The following MYO1E variants were observed in gnomAD, a reference collection of about 807,000 sequenced individuals.
MYO1E encodes the protein unconventional myosin-Ie.
A neutral mutation model predicts 151.1 loss-of-function variants in MYO1E; 68 were observed. That is an observed-to-expected ratio of 0.45 (90% CI 0.37 to 0.55). The LOEUF (loss-of-function observed/expected upper bound fraction) is 0.55. Among genes scored for constraint, MYO1E ranks in the 20% least tolerant of loss-of-function variants. The pLI is 0.00. For missense variants in MYO1E, 1,363 were observed against 1,389.3 expected (o/e 0.98, Z 0.30); for synonymous variants, 601 against 501.7 (o/e 1.20, Z -2.64).
intron 4 of MYO1E, 89 bp from the exon 5 acceptor site, chr15:59,236,761 C>G: frequency 1.6e-6 from 2 of 1,253,174 alleles, no homozygotes; most frequent in Non-Finnish European, 2.3e-6. Flanking sequence ...AACAAACAAA[C>G]AAACAAAAAA....
intron 20 of MYO1E, 59 bp from the exon 21 acceptor site, chr15:59,173,974 A>G: frequency 6.3e-7 from 1 of 1,577,438 alleles, no homozygotes; most frequent in South Asian, 1.1e-5. Flanking sequence ...AAAGGGAGGA[A>G]AATACTGTGG....
At chr15:59,218,178 T>G in intron 9 of MYO1E, 91 bp from the exon 10 acceptor site, 3 of 1,444,574 alleles carry the variant, frequency 2.1e-6, no homozygotes, top group Non-Finnish European at 2.9e-6. Context: ...TATGTGCACA[T>G]GCACGTGTGT....
At chr15:59,247,166 A>T (rs2080135397) in intron 4 of MYO1E, among the ~76,000 whole-genome samples, 1 of 152,218 alleles carries the variant, frequency 6.6e-6, no homozygotes, top group Non-Finnish European at 1.5e-5. Context: ...ACTGCACTCC[A>T]GCCTAGGTGA....
intron 26 of MYO1E, among the ~76,000 whole-genome samples, chr15:59,142,920 C>CA (rs10717979): frequency 0.025 from 2,175 of 86,850 alleles, 43 homozygotes; most frequent in East Asian, 0.044. Flanking sequence ...TAATTAGGTG[C>CA]AAAAAAAAAA....
At chr15:59,278,361 T>C (rs984864374) in intron 1 of MYO1E, among the ~76,000 whole-genome samples, 30 of 152,224 alleles carry the variant, frequency 2.0e-4, no homozygotes, top group African/African-American at 7.0e-4. Context: ...AAACTGAGCT[T>C]GTTTTGTAAT....
At chr15:59,161,801 C>T (rs1339234671) in intron 23 of MYO1E, among the ~76,000 whole-genome samples, 2 of 152,216 alleles carry the variant, frequency 1.3e-5, no homozygotes, top group African/African-American at 4.8e-5. Context: ...AACTCCCCAT[C>T]CAGTTTTAAT....
chr15:59,372,248 A>C (rs2140448608), intron 1 of MYO1E, among the ~76,000 whole-genome samples: 1 of 152,220 alleles, frequency 6.6e-6, no homozygotes, highest in East Asian at 1.9e-4. Context: ...CAGCCATAGC[A>C]ACCCGGCCAC....
At chr15:59,237,675 G>C (rs1302722691) in intron 4 of MYO1E, among the ~76,000 whole-genome samples, 1 of 152,258 alleles carries the variant, frequency 6.6e-6, no homozygotes, top group Non-Finnish European at 1.5e-5. Flanking sequence ...TTAGGGCGCA[G>C]AGCAAATGTT....
intron 1 of MYO1E, among the ~76,000 whole-genome samples, chr15:59,324,673 C>CCCG (rs1491466100): frequency 1.4e-4 from 20 of 147,144 alleles, no homozygotes; most frequent in African/African-American, 4.3e-4. Flanking sequence ...GCCCCCCCCC[C>CCCG]ACAGAGGGCA....
rs191645834 is a variant in MYO1E, at chr15:59,290,937, G to A, written c.4-18488C>T. On this transcript the variant is annotated intron_variant, in intron 1 of 27. Transcript: ENST00000288235. ...GTAAAAATCATTTTATGCAAGGAATGGAGACCAACTGATACCCACTCTCCG... is the reference window on the plus strand; with the variant it reads ...GTAAAAATCATTTTATGCAAGGAATAGAGACCAACTGATACCCACTCTCCG... 2.0e-5 allele frequency among the ~76,000 whole-genome samples: 3 copies of A among 152,294 alleles called. No homozygotes were observed. The East Asian group carries it at 5.8e-4, about 29-fold the overall frequency.
intron 12 of MYO1E, among the ~76,000 whole-genome samples, chr15:59,211,319 G>C (rs1030516656): frequency 1.3e-5 from 2 of 152,092 alleles, no homozygotes; most frequent in African/African-American, 4.8e-5. Flanking sequence ...ACACCATCCT[G>C]GTTTTTTCCT....
intron 4 of MYO1E, among the ~76,000 whole-genome samples, chr15:59,254,030 T>A (rs555337232): frequency 6.7e-6 from 1 of 148,562 alleles, no homozygotes; most frequent in African/African-American, 2.5e-5. Flanking sequence ...TAAATAAAAA[T>A]AAACCAACTA....
At chr15:59,229,236 T>C (rs1363136938) in intron 6 of MYO1E, among the ~76,000 whole-genome samples, 1 of 152,168 alleles carries the variant, frequency 6.6e-6, no homozygotes, top group South Asian at 2.1e-4. Context: ...GCAGCAGTGC[T>C]CAACCTTGGA....
intron 1 of MYO1E, among the ~76,000 whole-genome samples, chr15:59,302,262 C>T (rs1195963594): frequency 6.6e-6 from 1 of 152,202 alleles, no homozygotes; most frequent in African/African-American, 2.4e-5. Flanking sequence ...AACGAAGGCA[C>T]TGTCCTAAAT....
chr15:59,216,096 T>C (rs559921973), intron 10 of MYO1E, among the ~76,000 whole-genome samples: 3 of 152,306 alleles, frequency 2.0e-5, no homozygotes, highest in East Asian at 3.9e-4. Context: ...ACACTAACCA[T>C]ACCTTAAGCC....
chr15:59,201,998 T>C (rs1315894195), intron 16 of MYO1E, among the ~76,000 whole-genome samples: 1 of 152,236 alleles, frequency 6.6e-6, no homozygotes, highest in African/African-American at 2.4e-5. Flanking sequence ...ATCCAAAACA[T>C]GGCTCCGAAC....
intron 1 of MYO1E, among the ~76,000 whole-genome samples, chr15:59,314,124 T>C (rs1205914725): frequency 6.6e-6 from 1 of 152,174 alleles, no homozygotes; most frequent in African/African-American, 2.4e-5. Flanking sequence ...CAGAGGACTG[T>C]CATTTTAGGG....
intron 17 of MYO1E, among the ~76,000 whole-genome samples, chr15:59,192,634 A>C (rs1442375994): frequency 3.3e-5 from 5 of 152,168 alleles, no homozygotes; most frequent in Admixed American, 1.3e-4. Context: ...TTGTAGGGCA[A>C]GTGAGATGTT....
At chr15:59,285,350 C>CTTTTTTTT (rs368001329) in intron 1 of MYO1E, among the ~76,000 whole-genome samples, 9 of 74,054 alleles carry the variant, frequency 1.2e-4, no homozygotes, top group East Asian at 4.3e-4. Flanking sequence ...GACACTGTCT[C>CTTTTTTTT]TTTTTTTTTT....
Sources: allele counts gnomAD v4.1 joint callset (sites outside exome capture counted in the v4.1 genomes callset), GRCh38; gene constraint gnomAD v4.1.1; transcripts MANE v1.5; gene names NCBI Gene and HGNC (gene_info 2026-07-23, HGNC 2026-07-21).